CNTNAP2: variants seen among roughly 807,000 people sequenced by gnomAD.
CNTNAP2 encodes the protein contactin associated protein 2.
In CNTNAP2, 98 loss-of-function variants were observed where a neutral mutation model predicts 155.2. The ratio of observed to expected loss-of-function variants is 0.63; its 90% CI spans 0.54 to 0.75. The LOEUF is 0.75. Among genes scored for constraint, CNTNAP2 ranks in the 30% least tolerant of loss-of-function variants. The probability of loss-of-function intolerance (pLI) is 0.00; values close to 1 mark genes in which losing one functional copy is unlikely to be tolerated. For missense variants in CNTNAP2, 1,727 were observed against 1,688.1 expected (o/e 1.02, Z -0.40); for synonymous variants, 651 against 631.2 (o/e 1.03, Z -0.47).
intron 22 of CNTNAP2, among the ~76,000 whole-genome samples, chr7:148,395,436 T>C (rs1563072101): frequency 6.6e-6 from 1 of 152,180 alleles, no homozygotes; most frequent in Middle Eastern, 3.4e-3. Context: ...CCAGATGTAA[T>C]TGACACCAAT....
At chr7:146,514,590 T>G (rs1797514180) in intron 1 of CNTNAP2, among the ~76,000 whole-genome samples, 1 of 152,116 alleles carries the variant, frequency 6.6e-6, no homozygotes, top group Non-Finnish European at 1.5e-5. Flanking sequence ...GACTTTAATC[T>G]ATTTGTTGAA....
chr7:146,920,659 A>G (rs1254328325), intron 3 of CNTNAP2, among the ~76,000 whole-genome samples: 3 of 152,182 alleles, frequency 2.0e-5, no homozygotes, highest in Non-Finnish European at 4.4e-5. Context: ...TGTTTTAAAA[A>G]TTGTAATAAA....
intron 20 of CNTNAP2, among the ~76,000 whole-genome samples, chr7:148,247,853 CA>C (rs1455074412): frequency 1.3e-5 from 2 of 151,758 alleles, no homozygotes; most frequent in African/African-American, 4.8e-5. Context: ...GAAGTTTCAT[CA>C]TGCTGGCCAG....
At chr7:146,642,531 GC>G (rs1209149912) in intron 1 of CNTNAP2, among the ~76,000 whole-genome samples, 1 of 151,556 alleles carries the variant, frequency 6.6e-6, no homozygotes, top group Non-Finnish European at 1.5e-5. Context: ...GTGTATACGT[GC>G]CACATTTTCT....
chr7:147,092,726 A>T (rs1349058950), intron 4 of CNTNAP2, among the ~76,000 whole-genome samples: 1 of 152,184 alleles, frequency 6.6e-6, no homozygotes, highest in African/African-American at 2.4e-5. Flanking sequence ...GGATTCTGTG[A>T]TTCTTTAGGA....
chr7:147,901,905 T>C (rs1799875384), intron 13 of CNTNAP2, among the ~76,000 whole-genome samples: 1 of 152,036 alleles, frequency 6.6e-6, no homozygotes, highest in Non-Finnish European at 1.5e-5. Context: ...TAAAGGAGAG[T>C]TGGGGGCTAA....
rs551202031 is a variant in CNTNAP2 at position 146,486,477 on chromosome 7, C to T, written c.98-287794C>T. 8.5e-5 allele frequency among the ~76,000 whole-genome samples: 13 copies of T among 152,222 alleles called. No individual in the cohort carries two copies. The South Asian group carries it at 2.7e-3, about 32-fold the overall frequency. On this transcript the variant is annotated intron_variant, in intron 1 of 23. Coordinates refer to ENST00000361727, the MANE Select transcript of CNTNAP2 (RefSeq NM_014141.6). ...TAAAAAGTTATCTGAGACACAGGTG[C>T]CTTCCATCTCTTCTTATAGGTTCTA...
chr7:147,364,844 G>A (rs912164414), intron 9 of CNTNAP2, among the ~76,000 whole-genome samples: 1 of 149,224 alleles, frequency 6.7e-6, no homozygotes. Flanking sequence ...GTGAGACTCA[G>A]TCTCGGGAAA....
intron 20 of CNTNAP2, among the ~76,000 whole-genome samples, chr7:148,238,676 A>G (rs1434140054): frequency 6.6e-6 from 1 of 152,208 alleles, no homozygotes; most frequent in African/African-American, 2.4e-5. Flanking sequence ...CGTTAAGGCT[A>G]GTGTTTTTAC....
intron 12 of CNTNAP2, among the ~76,000 whole-genome samples, chr7:147,590,902 G>C (rs1450147904): frequency 6.6e-6 from 1 of 152,194 alleles, no homozygotes; most frequent in Non-Finnish European, 1.5e-5. Flanking sequence ...TACTGAGTGA[G>C]AGAGAGCAGC....
Position 148,415,710 on chromosome 7 carries a change from C to A in CNTNAP2, c.*94C>A. 7.1e-7 allele frequency: 1 copy of A among 1,404,840 alleles called. No homozygotes were observed. Among genetic ancestry groups the A allele is most frequent in the Non-Finnish European group, 1.0e-6 (1 of 1,002,888 alleles). The allele number at this position is 1,404,840 out of a possible 1,614,324, so 87.0% of individuals were successfully genotyped here. On this transcript the variant is annotated 3_prime_UTR_variant, in exon 24 of 24. Coordinates refer to ENST00000361727, the MANE Select transcript of CNTNAP2 (RefSeq NM_014141.6). ...CCCTGCTTCATACTCTTGAGCACAT[C>A]CTTAAAATATCAGCACAAGTTGGGG...
intron 9 of CNTNAP2, among the ~76,000 whole-genome samples, chr7:147,346,401 G>A (rs999538674): frequency 1.3e-5 from 2 of 151,784 alleles, no homozygotes; most frequent in African/African-American, 2.4e-5. Context: ...TGATCCACCC[G>A]CCTCGGCCTC....
At chr7:147,755,417 T>G (rs982983805) in intron 13 of CNTNAP2, among the ~76,000 whole-genome samples, 2 of 152,190 alleles carry the variant, frequency 1.3e-5, no homozygotes, top group African/African-American at 4.8e-5. Flanking sequence ...CACTTTGGGA[T>G]GCCAAGGCAG....
chr7:146,940,276 G>A (rs867742974), intron 3 of CNTNAP2, among the ~76,000 whole-genome samples: 1 of 151,940 alleles, frequency 6.6e-6, no homozygotes, highest in African/African-American at 2.4e-5. Flanking sequence ...CACGATTTGG[G>A]CTCACTGCAA....
chr7:148,095,119 G>A (rs1171602986), intron 15 of CNTNAP2, among the ~76,000 whole-genome samples: 1 of 152,166 alleles, frequency 6.6e-6, no homozygotes, highest in East Asian at 1.9e-4. Context: ...CCAAGCCTCT[G>A]AACTTCCTCC....
intron 1 of CNTNAP2, among the ~76,000 whole-genome samples, chr7:146,522,167 A>G (rs1415869714): frequency 1.3e-5 from 2 of 152,100 alleles, no homozygotes; most frequent in Non-Finnish European, 2.9e-5. Flanking sequence ...TACTTGCAGT[A>G]GATAAAGTTG....
intron 2 of CNTNAP2, among the ~76,000 whole-genome samples, chr7:146,833,795 A>C (rs1192352372): frequency 3.3e-5 from 5 of 152,202 alleles, no homozygotes; most frequent in Non-Finnish European, 1.5e-5. Context: ...GTATGTCCCC[A>C]GATCCGGACT....
At chr7:147,744,227 T>C (rs1797000985) in intron 13 of CNTNAP2, among the ~76,000 whole-genome samples, 1 of 152,160 alleles carries the variant, frequency 6.6e-6, no homozygotes, top group African/African-American at 2.4e-5. Flanking sequence ...ATAGAAGGTA[T>C]ATGAGCCATC....
At chr7:147,170,974 C>T (rs1802215347) in intron 8 of CNTNAP2, among the ~76,000 whole-genome samples, 1 of 152,116 alleles carries the variant, frequency 6.6e-6, no homozygotes, top group Non-Finnish European at 1.5e-5. Context: ...CCCTGAGAGA[C>T]GGGTGCCTAT....
Sources: gnomAD v4.1 joint callset for allele counts (sites outside exome capture counted in the v4.1 genomes callset) on GRCh38, gnomAD v4.1.1 for gene constraint, MANE v1.5 for transcripts, NCBI Gene and HGNC (gene_info 2026-07-23, HGNC 2026-07-21) for gene names.